WDR7: variants seen among roughly 807,000 people sequenced by gnomAD.
The protein encoded by WDR7 is WD repeat-containing protein 7.
WDR7 carries 46 observed loss-of-function variants against 169.4 expected under a neutral mutation model. The ratio of observed to expected loss-of-function variants is 0.27; its 90% CI spans 0.21 to 0.35. WDR7 has a LOEUF of 0.35. Among genes scored for constraint, WDR7 ranks in the 10% least tolerant of loss-of-function variants. The pLI is 1.00. For missense variants in WDR7, 1,534 were observed against 1,859.3 expected (o/e 0.83, Z 3.22); for synonymous variants, 612 against 666.8 (o/e 0.92, Z 1.27).
intron 20 of WDR7, among the ~76,000 whole-genome samples, chr18:56,860,819 T>C (rs2045793034): frequency 6.6e-6 from 1 of 152,130 alleles, no homozygotes. Context: ...AGCTCAATTT[T>C]ATAATTCTTT....
At chr18:56,987,311 A>AAC (rs34593974) in intron 26 of WDR7, among the ~76,000 whole-genome samples, 2 of 133,992 alleles carry the variant, frequency 1.5e-5, no homozygotes, top group African/African-American at 5.8e-5. Flanking sequence ...AAAAAAAAAA[A>AAC]GGTGAGGTTT....
chr18:56,790,133 G>A (rs77666084), intron 19 of WDR7, among the ~76,000 whole-genome samples: 5,581 of 152,250 alleles, frequency 0.037, 187 homozygotes, highest in African/African-American at 0.086. Context: ...ATACCGGAAC[G>A]TGTCTTTGTA....
In WDR7 at chr18:56,791,272, A is replaced by T. The variant is rs2044480789; in HGVS notation, c.3190+9616A>T. On this transcript the variant is annotated intron_variant, in intron 19 of 27. Coordinates refer to ENST00000254442, the MANE Select transcript of WDR7 (RefSeq NM_015285.3). ...CTTTAGGGAATGGAAATGGAAAAAG[A>T]GGTGGATAATTCTTAATACATGAAT... is the stretch of plus-strand genomic sequence containing the variant. Among the ~76,000 whole-genome samples the T allele has an allele frequency of 2.6e-5, 4 of 152,190 alleles. No individual in the cohort carries two copies. The South Asian group carries it at 8.3e-4, about 31-fold the overall frequency.
At position 56,788,047 on chromosome 18, in the gene WDR7, T is replaced by A. The variant is rs527930549; in HGVS notation, c.3190+6391T>A. Among the ~76,000 whole-genome samples, 28 of 152,320 alleles carry A rather than the reference T, an allele frequency of 1.8e-4. No homozygotes were observed. The South Asian group carries it at 2.3e-3, about 12-fold the overall frequency. On this transcript the variant is annotated intron_variant, in intron 19 of 27. Coordinates refer to ENST00000254442, the MANE Select transcript of WDR7 (RefSeq NM_015285.3). ...TTTATATATGCCTCAGTGTTTGCAATTCTGTGAGATAGTTGTTTTTAAGGA... is the reference window on the plus strand; with the variant it reads ...TTTATATATGCCTCAGTGTTTGCAAATCTGTGAGATAGTTGTTTTTAAGGA...
intron 19 of WDR7, among the ~76,000 whole-genome samples, chr18:56,789,663 G>A (rs1467621953): frequency 6.6e-6 from 1 of 152,230 alleles, no homozygotes; most frequent in African/African-American, 2.4e-5. Context: ...TGCTGGGCTT[G>A]AAAGGCTTTG....
rs190829603 is a variant in WDR7, at chr18:57,014,511, C to T, written c.4165-6234C>T. ...GTCTCTACTAAAAATACAAAAAATT[C>T]GCCAGGCGGTTGGTGGGTGCCTATA... On this transcript the variant is annotated intron_variant, in intron 26 of 27. Transcript: ENST00000254442. Among the ~76,000 whole-genome samples, 7 of 150,388 alleles carry T rather than the reference C, an allele frequency of 4.7e-5. No homozygotes were observed. The East Asian group carries it at 6.0e-4, about 13-fold the overall frequency.
intron 19 of WDR7, among the ~76,000 whole-genome samples, chr18:56,784,677 T>C (rs1386518777): frequency 6.6e-6 from 1 of 152,206 alleles, no homozygotes; most frequent in East Asian, 1.9e-4. Flanking sequence ...GACAACAAAA[T>C]GGAGTCACAA....
At chr18:56,774,584 G>A (rs1296285775) in intron 16 of WDR7, among the ~76,000 whole-genome samples, 1 of 152,044 alleles carries the variant, frequency 6.6e-6, no homozygotes, top group African/African-American at 2.4e-5. Flanking sequence ...CATATTCAGT[G>A]CCCCATGCAA....
chr18:56,975,387 G>GGTTTTT lies in WDR7; in HGVS notation c.4164+12868_4164+12873dup, dbSNP rs2047551415. ...TGATGGTACATTCCAGGGACTGTAA[G>GGTTTTT]GTTTTTGTTTTTGTTATGCCTGAAG... On this transcript the variant is annotated intron_variant, in intron 26 of 27. Transcript: ENST00000254442. Among the ~76,000 whole-genome samples the GGTTTTT allele has an allele frequency of 3.3e-5, 5 of 152,230 alleles. No individual in the cohort carries two copies. In the South Asian group the frequency reaches 1.0e-3, roughly 32 times the overall value.
chr18:56,780,778 C>A (rs1568190853), intron 18 of WDR7, among the ~76,000 whole-genome samples: 2 of 152,190 alleles, frequency 1.3e-5, no homozygotes, highest in Non-Finnish European at 2.9e-5. Flanking sequence ...CCAGCCTGGT[C>A]AACAGGGCAA....
At chr18:56,672,063 G>A (rs561567732) in intron 1 of WDR7, among the ~76,000 whole-genome samples, 3 of 152,244 alleles carry the variant, frequency 2.0e-5, no homozygotes, top group African/African-American at 7.2e-5. Context: ...GTGTCCTAGG[G>A]CAGGTCATGT....
chr18:57,031,129 G>A (rs1267200559), downstream of WDR7: 3 of 152,120 alleles, frequency 2.0e-5, no homozygotes. Flanking sequence ...ATTGTTTTGT[G>A]CTAACATCTC....
chr18:56,774,075 T>G (rs2044206208), intron 16 of WDR7, among the ~76,000 whole-genome samples: 1 of 152,082 alleles, frequency 6.6e-6, no homozygotes, highest in Non-Finnish European at 1.5e-5. Flanking sequence ...CTCTGAAAAA[T>G]GTATTGAAAA....
chr18:56,858,927 A>G (rs2045762349), intron 20 of WDR7, among the ~76,000 whole-genome samples: 1 of 152,150 alleles, frequency 6.6e-6, no homozygotes, highest in Non-Finnish European at 1.5e-5. Context: ...ATTTTTTATA[A>G]TATATTAGAA....
chr18:56,824,421 T>C (rs567312961), intron 20 of WDR7, among the ~76,000 whole-genome samples: 25 of 152,368 alleles, frequency 1.6e-4, no homozygotes, highest in African/African-American at 6.0e-4. Flanking sequence ...TACCTTCTTG[T>C]ATGCCTAGCA....
intron 12 of WDR7, among the ~76,000 whole-genome samples, chr18:56,710,034 C>T (rs922285705): frequency 2.2e-5 from 3 of 134,658 alleles, no homozygotes; most frequent in African/African-American, 5.8e-5. Flanking sequence ...GATGGAGTCT[C>T]GCTCTGTCAC....
chr18:56,679,573 T>G (rs525682), intron 3 of WDR7, 135 bp downstream of exon 3: 471,302 of 487,638 alleles, frequency 0.97, 229,528 homozygotes, highest in East Asian at 1. Flanking sequence ...TAAATCTAAA[T>G]GTAGATATTT....
intron 19 of WDR7, among the ~76,000 whole-genome samples, chr18:56,797,844 G>C (rs1411714835): frequency 1.3e-5 from 2 of 152,120 alleles, no homozygotes; most frequent in Admixed American, 6.6e-5. Context: ...GCATTGTTCT[G>C]GATGCTGGAT....
intron 18 of WDR7, among the ~76,000 whole-genome samples, chr18:56,780,513 C>A (rs2044301967): frequency 6.6e-6 from 1 of 152,098 alleles, no homozygotes; most frequent in Admixed American, 6.6e-5. Flanking sequence ...GCTAAGTTAT[C>A]TTTTCAATTA....
Sources: gnomAD v4.1 joint callset for allele counts (sites outside exome capture counted in the v4.1 genomes callset) on GRCh38, gnomAD v4.1.1 for gene constraint, MANE v1.5 for transcripts, NCBI Gene and HGNC (gene_info 2026-07-23, HGNC 2026-07-21) for gene names.